Variants in TRMT11 observed in about 807,000 individuals in gnomAD.
TRMT11 encodes the protein tRNA (guanine(10)-N(2))-methyltransferase TRMT11.
A neutral mutation model predicts 62.8 loss-of-function variants in TRMT11; 53 were observed. That is an observed-to-expected ratio of 0.84 (90% confidence interval 0.68 to 1.06). The LOEUF is 1.06. Among genes scored for constraint, TRMT11 ranks in the 50% least tolerant of loss-of-function variants. TRMT11 has a pLI of 0.00. For missense variants in TRMT11, 556 were observed against 553.4 expected (o/e 1.00, Z -0.05); for synonymous variants, 188 against 190.3 (o/e 0.99, Z 0.10).
intron 11 of TRMT11, among the ~76,000 whole-genome samples, 196 bp from the exon 12 acceptor site, chr6:126,020,964 T>G (rs1163264654): frequency 6.6e-6 from 1 of 152,252 alleles, no homozygotes; most frequent in Non-Finnish European, 1.5e-5. Context: ...GGTAAAAAAT[T>G]TAACTGCATT....
chr6:125,992,187 T>G (rs972526240), intron 1 of TRMT11, among the ~76,000 whole-genome samples: 14 of 152,230 alleles, frequency 9.2e-5, no homozygotes, highest in African/African-American at 3.4e-4. Flanking sequence ...CAGTTTTAGG[T>G]GGCTGCTTAA....
chr6:126,021,763 C>CT (rs927870163), intron 12 of TRMT11, among the ~76,000 whole-genome samples: 64 of 152,322 alleles, frequency 4.2e-4, no homozygotes, highest in Middle Eastern at 3.4e-3. Context: ...TTCTTACTCT[C>CT]TTACATTCAT....
chr6:126,021,028 G>A (rs1048243543), intron 11 of TRMT11, 132 bp from the exon 12 acceptor site: 1 of 997,042 alleles, frequency 1.0e-6, no homozygotes, highest in African/African-American at 1.6e-5. Context: ...TATGGATCAT[G>A]TGGACAGTTA....
chr6:126,212,458 G>A, the TRMT11 span, among the ~76,000 whole-genome samples: 1 of 152,114 alleles, frequency 6.6e-6, no homozygotes, highest in Non-Finnish European at 1.5e-5. Flanking sequence ...TTGGTTAAAA[G>A]TCATTTTAAC....
intron 2 of TRMT11, among the ~76,000 whole-genome samples, chr6:125,995,494 T>C (rs1791359145): frequency 1.3e-5 from 2 of 152,218 alleles, no homozygotes; most frequent in Non-Finnish European, 2.9e-5. Flanking sequence ...AATTTAATAA[T>C]GTACCTCATG....
chr6:126,189,417 C>T (rs1778567744), intron 1 of TRMT11, among the ~76,000 whole-genome samples: 1 of 152,110 alleles, frequency 6.6e-6, no homozygotes, highest in Non-Finnish European at 1.5e-5. Context: ...GGTTGGGGTA[C>T]TATCTCTTTC....
At chr6:126,214,840 C>A in the TRMT11 span, among the ~76,000 whole-genome samples, 1 of 151,766 alleles carries the variant, frequency 6.6e-6, no homozygotes, top group Non-Finnish European at 1.5e-5. Flanking sequence ...TATTTGAAGG[C>A]TTTCTACTTT....
chr6:126,218,838 C>T, the TRMT11 span, among the ~76,000 whole-genome samples: 1 of 152,162 alleles, frequency 6.6e-6, no homozygotes, highest in Non-Finnish European at 1.5e-5. Flanking sequence ...AACCTAAGAT[C>T]ACTTTAGCCT....
intron 17 of TRMT11, among the ~76,000 whole-genome samples, chr6:126,063,287 G>C (rs914729680): frequency 6.6e-6 from 1 of 152,264 alleles, no homozygotes; most frequent in Non-Finnish European, 1.5e-5. Context: ...TGGGCTTTGT[G>C]CATCAATTAA....
At position 126,038,756 on chromosome 6, in the gene TRMT11, G is replaced by C. The variant is rs1369857870; in HGVS notation, c.1312G>C (p.Gly438Arg). The C allele has an allele frequency of 6.2e-7, 1 of 1,602,616 alleles. No homozygotes were observed. The highest frequency in any genetic ancestry group is 8.5e-7 in the Non-Finnish European group (1 of 1,175,170). Residue 438 changes from glycine to arginine, a missense_variant, in exon 13 of 13, where the codon GGT (glycine) becomes CGT (arginine). Coordinates refer to ENST00000334379, the MANE Select transcript of TRMT11 (RefSeq NM_001031712.3). Reference protein sequence around the residue: ...LLSDHFLPYQGHNSFREKYFS... With the variant: ...LLSDHFLPYQRHNSFREKYFS... ...AAGTGATCATTTTCTGCCATACCAA[G>C]GTCATAATTCCTTCCGTGAGAAATA...
intron 21 of TRMT11, among the ~76,000 whole-genome samples, chr6:126,116,668 T>G (rs1242676794): frequency 6.6e-6 from 1 of 152,138 alleles, no homozygotes; most frequent in African/African-American, 2.4e-5. Flanking sequence ...ATTTAGGATT[T>G]GCTTTTTCAG....
At chr6:126,093,598 TATATATATATATATATATATATA>T (rs1466162324) in intron 17 of TRMT11, among the ~76,000 whole-genome samples, 2 of 73,820 alleles carry the variant, frequency 2.7e-5, no homozygotes, top group African/African-American at 1.9e-4. Context: ...TATATATATA[TATATATATATATATATATATATA>T]TATATATATA....
At chr6:126,083,966 C>A (rs1490453106) in intron 17 of TRMT11, among the ~76,000 whole-genome samples, 1 of 152,090 alleles carries the variant, frequency 6.6e-6, no homozygotes, top group Non-Finnish European at 1.5e-5. Flanking sequence ...TATATATGCA[C>A]CACAGTTTCT....
intron 17 of TRMT11, among the ~76,000 whole-genome samples, chr6:126,076,920 A>C (rs1777040591): frequency 6.6e-6 from 1 of 152,186 alleles, no homozygotes; most frequent in Non-Finnish European, 1.5e-5. Flanking sequence ...ACTCCCCTCT[A>C]TTCTGATCAT....
intron 12 of TRMT11, among the ~76,000 whole-genome samples, chr6:126,024,296 G>A (rs1796230439): frequency 6.6e-6 from 1 of 152,188 alleles, no homozygotes; most frequent in African/African-American, 2.4e-5. Context: ...TCTGGAGGCT[G>A]GAAATTCAAG....
the TRMT11 span, among the ~76,000 whole-genome samples, chr6:126,217,270 C>G: frequency 6.6e-6 from 1 of 152,164 alleles, no homozygotes; most frequent in East Asian, 1.9e-4. Flanking sequence ...TCATGTTTTT[C>G]TGGATGATCT....
At chr6:126,086,574 T>A (rs1777219064) in intron 17 of TRMT11, among the ~76,000 whole-genome samples, 1 of 152,188 alleles carries the variant, frequency 6.6e-6, no homozygotes, top group Admixed American at 6.5e-5. Flanking sequence ...CTCCCTGCCT[T>A]CAGTCCATTT....
At chr6:126,220,294 T>C in the TRMT11 span, among the ~76,000 whole-genome samples, 1 of 152,234 alleles carries the variant, frequency 6.6e-6, no homozygotes, top group Non-Finnish European at 1.5e-5. Context: ...ACTGCATTTA[T>C]TATTTTCACT....
chr6:125,994,278 A>G (rs1243578189), intron 2 of TRMT11, among the ~76,000 whole-genome samples: 1 of 151,884 alleles, frequency 6.6e-6, no homozygotes, highest in East Asian at 1.9e-4. Context: ...TTCCTTCTTG[A>G]CGTGACTTAT....
Sources: gnomAD v4.1 joint callset for allele counts (sites outside exome capture counted in the v4.1 genomes callset) on GRCh38, gnomAD v4.1.1 for gene constraint, MANE v1.5 for transcripts, NCBI Gene and HGNC (gene_info 2026-07-23, HGNC 2026-07-21) for gene names.